RTN1: variants seen among roughly 807,000 people sequenced by gnomAD.
RTN1 encodes the protein reticulon 1.
Under a neutral mutation model 65.5 loss-of-function variants are expected in RTN1, and 25 were observed. The observed-to-expected ratio is 0.38, with a 90% CI of 0.28 to 0.53. RTN1 has a LOEUF of 0.53. Among genes scored for constraint, RTN1 ranks in the 20% least tolerant of loss-of-function variants. RTN1 has a pLI of 0.79. For synonymous variants in RTN1, 471 were observed against 447.6 expected (o/e 1.05, Z -0.66); for missense variants, 983 against 1,025.4 (o/e 0.96, Z 0.57).
intron 3 of RTN1, among the ~76,000 whole-genome samples, chr14:59,653,992 G>A (rs145411047): frequency 0.026 from 3,934 of 151,950 alleles, 181 homozygotes; most frequent in African/African-American, 0.089. Flanking sequence ...GTACAATCTC[G>A]GCTCACTGCA....
At chr14:59,714,477 G>C (rs929033245) in intron 3 of RTN1, among the ~76,000 whole-genome samples, 1 of 152,142 alleles carries the variant, frequency 6.6e-6, no homozygotes, top group African/African-American at 2.4e-5. Flanking sequence ...CTTTCCACCA[G>C]GTAGTCATAT....
intron 1 of RTN1, among the ~76,000 whole-genome samples, chr14:59,855,510 G>A (rs955052767): frequency 3.3e-5 from 5 of 152,062 alleles, no homozygotes; most frequent in African/African-American, 1.2e-4. Flanking sequence ...GTTTGTAATT[G>A]TTTGTTGAAT....
At chr14:59,776,401 C>T (rs553253873) in intron 1 of RTN1, among the ~76,000 whole-genome samples, 1 of 152,242 alleles carries the variant, frequency 6.6e-6, no homozygotes, top group East Asian at 1.9e-4. Flanking sequence ...TGCTCTTGTC[C>T]TTCTGCCTTC....
intron 1 of RTN1, among the ~76,000 whole-genome samples, chr14:59,834,609 T>A (rs1391536822): frequency 6.6e-6 from 1 of 152,102 alleles, no homozygotes; most frequent in Non-Finnish European, 1.5e-5. Context: ...ATGGCATTTG[T>A]AGCACAGAAA....
chr14:59,762,172 T>G (rs1885762155), intron 1 of RTN1, among the ~76,000 whole-genome samples: 1 of 152,208 alleles, frequency 6.6e-6, no homozygotes, highest in East Asian at 1.9e-4. Flanking sequence ...CATTCCATCG[T>G]AGAAAAATCA....
chr14:59,764,472 T>C (rs2350014), intron 1 of RTN1, among the ~76,000 whole-genome samples: 89,178 of 151,740 alleles, frequency 0.59, 28,734 homozygotes, highest in African/African-American at 0.87. Flanking sequence ...AGGCGCCTGC[T>C]ACCATGCCCA....
At chr14:59,601,368 C>A (rs1242221123) in intron 8 of RTN1, among the ~76,000 whole-genome samples, 1 of 152,138 alleles carries the variant, frequency 6.6e-6, no homozygotes, top group East Asian at 1.9e-4. Flanking sequence ...CAGGAAGGAA[C>A]AATTGTTTCC....
At chr14:59,682,007 T>A (rs1883754654) in intron 3 of RTN1, among the ~76,000 whole-genome samples, 1 of 152,204 alleles carries the variant, frequency 6.6e-6, no homozygotes, top group Admixed American at 6.5e-5. Flanking sequence ...GGAGAAATCT[T>A]TCTAAACATA....
At chr14:59,630,440 G>A in intron 3 of RTN1, 4 of 1,613,598 alleles carry the variant, frequency 2.5e-6, no homozygotes, top group Non-Finnish European at 3.4e-6. Context: ...GAAATAAAGA[G>A]AATACCCTGA....
chr14:59,616,810 AAG>A (rs1341618164), intron 3 of RTN1, among the ~76,000 whole-genome samples: 1 of 152,208 alleles, frequency 6.6e-6, no homozygotes, highest in Non-Finnish European at 1.5e-5. Flanking sequence ...GTGCTATTGA[AAG>A]AGAGGAAAAG....
intron 1 of RTN1, among the ~76,000 whole-genome samples, chr14:59,842,659 G>A (rs1318046926): frequency 6.6e-6 from 1 of 152,124 alleles, no homozygotes; most frequent in African/African-American, 2.4e-5. Flanking sequence ...ACCTAAAAAT[G>A]GATTGGGGTG....
chr14:59,771,280 G>C (rs931152069), intron 1 of RTN1, among the ~76,000 whole-genome samples: 7 of 152,146 alleles, frequency 4.6e-5, no homozygotes, highest in Non-Finnish European at 1.0e-4. Flanking sequence ...TGAAATCTCA[G>C]GCCTCAACAG....
chr14:59,810,086 A>G (rs1225000869), intron 1 of RTN1, among the ~76,000 whole-genome samples: 1 of 152,162 alleles, frequency 6.6e-6, no homozygotes, highest in Non-Finnish European at 1.5e-5. Flanking sequence ...TTGCAATTCC[A>G]TATATCTTAT....
At chr14:59,793,256 T>C (rs1886381606) in intron 1 of RTN1, among the ~76,000 whole-genome samples, 1 of 152,162 alleles carries the variant, frequency 6.6e-6, no homozygotes, top group Admixed American at 6.6e-5. Flanking sequence ...AAACTAACAC[T>C]TTTTTCTAGA....
intron 1 of RTN1, among the ~76,000 whole-genome samples, chr14:59,753,788 C>A (rs1221471326): frequency 6.6e-6 from 1 of 152,180 alleles, no homozygotes; most frequent in Non-Finnish European, 1.5e-5. Context: ...GGTAGGAACT[C>A]ACATTGCCAT....
intron 3 of RTN1, among the ~76,000 whole-genome samples, chr14:59,632,959 G>A (rs980093757): frequency 2.0e-5 from 3 of 151,906 alleles, no homozygotes; most frequent in Admixed American, 1.3e-4. Context: ...AATTTTTTCC[G>A]GGCATGGTGG....
intron 1 of RTN1, among the ~76,000 whole-genome samples, chr14:59,778,205 T>C (rs1236065591): frequency 2.0e-5 from 3 of 152,200 alleles, no homozygotes; most frequent in Non-Finnish European, 4.4e-5. Context: ...ACCACATGGC[T>C]TTCAATCACA....
At chr14:59,670,378 C>G (rs1056916692) in intron 3 of RTN1, among the ~76,000 whole-genome samples, 8 of 152,348 alleles carry the variant, frequency 5.3e-5, no homozygotes, top group African/African-American at 1.9e-4. Flanking sequence ...CAGGAAGCTG[C>G]TGAAGCAGCA....
chr14:59,704,000 G>A lies in RTN1; in HGVS notation c.1765+22919C>T, dbSNP rs79526539. Among the ~76,000 whole-genome samples, 861 of 152,278 alleles carry A rather than the reference G, an allele frequency of 5.7e-3. 7 individuals are homozygous for A. Among genetic ancestry groups the A allele is most frequent in the African/African-American group, 0.018 (736 of 41,552 alleles). On this transcript the variant is annotated intron_variant, in intron 3 of 8. Coordinates refer to ENST00000267484, the MANE Select transcript of RTN1 (RefSeq NM_021136.3). ...TATTGTATTTTTCTTCCTTCTGAGG[G>A]GAAGGATGATAATATTGCAGGAAAT...
Sources: allele counts gnomAD v4.1 joint callset (sites outside exome capture counted in the v4.1 genomes callset), GRCh38; gene constraint gnomAD v4.1.1; transcripts MANE v1.5; gene names NCBI Gene and HGNC (gene_info 2026-07-23, HGNC 2026-07-21).